The following PTPRT variants were observed in gnomAD, a reference collection of about 807,000 sequenced individuals.
The protein encoded by PTPRT is protein tyrosine phosphatase receptor type T, also known as receptor-type tyrosine-protein phosphatase T.
PTPRT carries 56 observed loss-of-function variants against 176.8 expected under a neutral mutation model. The ratio of observed to expected loss-of-function variants is 0.32; its 90% CI spans 0.26 to 0.40. The LOEUF (loss-of-function observed/expected upper bound fraction) is 0.40, where lower values mean the gene tolerates loss of function less well. PTPRT is among the 10% of genes least tolerant of loss of function. PTPRT has a pLI of 1.00. For missense variants in PTPRT, 1,540 were observed against 1,908.2 expected (o/e 0.81, Z 3.60); for synonymous variants, 783 against 739.0 (o/e 1.06, Z -0.96).
At chr20:42,695,381 CACAA>C (rs2146135971) in intron 6 of PTPRT, among the ~76,000 whole-genome samples, 1 of 152,250 alleles carries the variant, frequency 6.6e-6, no homozygotes, top group South Asian at 2.1e-4. Context: ...ATATTTGGTT[CACAA>C]ACACACAACT....
rs374489733 is a variant in PTPRT, at chr20:42,191,058, A to G, written c.2491+8182T>C. Among the ~76,000 whole-genome samples the G allele has an allele frequency of 9.7e-4, 148 of 152,336 alleles. 1 individual carries two copies. Among genetic ancestry groups the G allele is most frequent in the African/African-American group, 3.3e-3 (136 of 41,574 alleles). On this transcript the variant is annotated intron_variant, in intron 16 of 30. Transcript: ENST00000373187. ...TAAAACACTCAGCACGTAAATGGGC[A>G]TATAATTAATGCTCTGTATATAATA...
chr20:42,951,160 G>C (rs1466197719), intron 1 of PTPRT, among the ~76,000 whole-genome samples: 1 of 150,776 alleles, frequency 6.6e-6, no homozygotes, highest in Non-Finnish European at 1.5e-5. Flanking sequence ...TGGATGTGTG[G>C]ATATATGATA....
intron 11 of PTPRT, among the ~76,000 whole-genome samples, chr20:42,333,687 T>A (rs1308417987): frequency 1.3e-5 from 2 of 152,056 alleles, no homozygotes; most frequent in Non-Finnish European, 2.9e-5. Flanking sequence ...TGGCTTTAAT[T>A]CCTTTTCTTG....
At chr20:42,880,595 G>A (rs768273675) in intron 2 of PTPRT, among the ~76,000 whole-genome samples, 1 of 152,160 alleles carries the variant, frequency 6.6e-6, no homozygotes, top group Non-Finnish European at 1.5e-5. Context: ...ATTCAGGGCT[G>A]TACCTCAGGG....
intron 7 of PTPRT, among the ~76,000 whole-genome samples, chr20:42,562,610 G>C (rs149559973): frequency 1.2e-3 from 182 of 152,210 alleles, no homozygotes; most frequent in Admixed American, 4.4e-3. Context: ...TTTCTCCTGC[G>C]TTTATTCCAT....
chr20:42,657,319 G>T (rs1018781860), intron 7 of PTPRT, among the ~76,000 whole-genome samples: 1 of 152,062 alleles, frequency 6.6e-6, no homozygotes, highest in Non-Finnish European at 1.5e-5. Context: ...TACACCAAGG[G>T]GACCCTTTGG....
At chr20:42,356,030 TC>T (rs368082278) in intron 9 of PTPRT, among the ~76,000 whole-genome samples, 147 of 152,288 alleles carry the variant, frequency 9.7e-4, no homozygotes, top group Middle Eastern at 6.8e-3. Flanking sequence ...ATGAAGGGCT[TC>T]ACCAAATCTA....
At chr20:42,088,034 T>G (rs959648932) in intron 27 of PTPRT, among the ~76,000 whole-genome samples, 1 of 151,990 alleles carries the variant, frequency 6.6e-6, no homozygotes, top group African/African-American at 2.4e-5. Context: ...GCATGCTCCC[T>G]CCAGTTCCTG....
intron 1 of PTPRT, among the ~76,000 whole-genome samples, chr20:42,915,386 G>T (rs1396378149): frequency 6.6e-6 from 1 of 152,226 alleles, no homozygotes; most frequent in African/African-American, 2.4e-5. Context: ...CCAGCAAGCT[G>T]CCTTCTGATC....
intron 7 of PTPRT, among the ~76,000 whole-genome samples, chr20:42,553,581 T>C (rs536189736): frequency 2.1e-4 from 32 of 152,288 alleles, no homozygotes; most frequent in Non-Finnish European, 4.3e-4. Context: ...ATTCTCTCTC[T>C]TGCACTTTCA....
intron 11 of PTPRT, among the ~76,000 whole-genome samples, chr20:42,348,224 C>T (rs993722026): frequency 7.9e-5 from 12 of 152,082 alleles, no homozygotes; most frequent in Admixed American, 7.9e-4. Context: ...AGTCACTTCC[C>T]CTTCTAGTCA....
intron 2 of PTPRT, among the ~76,000 whole-genome samples, chr20:42,827,272 G>T (rs192126807): frequency 6.6e-6 from 1 of 151,972 alleles, no homozygotes; most frequent in African/African-American, 2.4e-5. Flanking sequence ...TCACCACATG[G>T]CACATACTTT....
intron 12 of PTPRT, among the ~76,000 whole-genome samples, chr20:42,282,946 A>G (rs892441315): frequency 4.6e-5 from 7 of 152,202 alleles, no homozygotes; most frequent in African/African-American, 1.7e-4. Flanking sequence ...GCAATAATGC[A>G]TCTACATGCA....
At chr20:42,771,822 C>T (rs767454948) in intron 4 of PTPRT, among the ~76,000 whole-genome samples, 18 of 152,160 alleles carry the variant, frequency 1.2e-4, no homozygotes, top group African/African-American at 3.4e-4. Flanking sequence ...TGAGGGTTTA[C>T]GTCATCATTT....
At chr20:42,706,595 T>C (rs932593286) in intron 6 of PTPRT, among the ~76,000 whole-genome samples, 4 of 152,168 alleles carry the variant, frequency 2.6e-5, no homozygotes, top group African/African-American at 9.7e-5. Context: ...GCAGTCATTT[T>C]AAAAATTTAG....
At chr20:42,089,983 G>A (rs1009132270) in intron 27 of PTPRT, among the ~76,000 whole-genome samples, 3 of 152,168 alleles carry the variant, frequency 2.0e-5, no homozygotes, top group African/African-American at 7.2e-5. Context: ...GTTTGCTTAT[G>A]TTGTGTAGCA....
intron 13 of PTPRT, among the ~76,000 whole-genome samples, chr20:42,260,167 CTAGACTACAA>C (rs2056723445): frequency 9.7e-6 from 1 of 102,836 alleles, no homozygotes; most frequent in Non-Finnish European, 2.5e-5. Flanking sequence ...TTAAACAAAA[CTAGACTACAA>C]ACTTGATTTC....
intron 12 of PTPRT, among the ~76,000 whole-genome samples, chr20:42,298,327 T>C (rs1005027648): frequency 1.3e-5 from 2 of 152,234 alleles, no homozygotes. Context: ...GTGACAAAAA[T>C]GAAAGTTAGA....
intron 6 of PTPRT, among the ~76,000 whole-genome samples, chr20:42,743,162 T>C (rs1021457658): frequency 6.6e-6 from 1 of 152,200 alleles, no homozygotes; most frequent in African/African-American, 2.4e-5. Context: ...CCAGGCCGCA[T>C]TCCATCAAAA....
Sources: gnomAD v4.1 joint callset for allele counts (sites outside exome capture counted in the v4.1 genomes callset) on GRCh38, gnomAD v4.1.1 for gene constraint, MANE v1.5 for transcripts, NCBI Gene and HGNC (gene_info 2026-07-23, HGNC 2026-07-21) for gene names.